The following ACACB variants were observed in gnomAD, a reference collection of about 807,000 sequenced individuals.
ACACB encodes acetyl-CoA carboxylase beta, also known as acetyl-CoA carboxylase 2.
A neutral mutation model predicts 278.8 loss-of-function variants in ACACB; 209 were observed. The ratio of observed to expected loss-of-function variants is 0.75; its 90% CI spans 0.67 to 0.84. ACACB has a LOEUF of 0.84. ACACB is among the 40% of genes least tolerant of loss of function. ACACB has a pLI of 0.00. For synonymous variants in ACACB, 1,174 were observed against 1,285.6 expected (o/e 0.91, Z 1.86); for missense variants, 2,850 against 3,269.0 (o/e 0.87, Z 3.13).
rs773903038 is a variant in ACACB at position 109,185,701 on chromosome 12, C to T, written c.1941C>T (p.His647=). 23 of 1,612,070 alleles carry T rather than the reference C, an allele frequency of 1.4e-5. No individual in the cohort carries two copies. The highest frequency in any genetic ancestry group is 1.9e-5 in the Non-Finnish European group (22 of 1,178,982). The change falls in exon 12 of 53, where the codon CAC becomes CAT. Residue 647 remains histidine (H), a synonymous_variant. Transcript: ENST00000338432. The part of the protein sequence containing the change: ...TPSNPPLARG[H]VIAARITSEN... ...CAAACCCTCCCCTCGCCCGAGGCCACGTCATTGCCGCCAGAATCACCAGCG... is the reference window on the plus strand; with the variant it reads ...CAAACCCTCCCCTCGCCCGAGGCCATGTCATTGCCGCCAGAATCACCAGCG...
upstream of ACACB, among the ~76,000 whole-genome samples, chr12:109,114,690 AT>A (rs778029429): frequency 3.5e-4 from 51 of 146,896 alleles, no homozygotes; most frequent in East Asian, 1.2e-3. Context: ...AAAAAAAAAA[AT>A]TTTTTTTTTT....
chr12:109,264,237 C>G lies in ACACB; in HGVS notation c.6793C>G (p.Pro2265Ala), dbSNP rs768199367. 3 of 1,614,140 alleles carry G rather than the reference C, an allele frequency of 1.9e-6. No homozygotes were observed. The highest frequency in any genetic ancestry group is 2.2e-5 in the South Asian group (2 of 91,080). The change falls in exon 50 of 53, where the codon CCT (proline) becomes GCT (alanine). Residue 2265 changes from proline (P) to alanine (A), a missense_variant. Around this residue, in one of 3 missense-constraint regions of ACACB, gnomAD observed 579 missense variants for 684.6 expected, o/e 0.85. Transcript: ENST00000338432. The part of the protein sequence containing the change: ...YKKLMEQLGE[P>A]DLSDKDRKDL... ...GCCTTTCTGCTCACCTGCAGGGGAACCTGATCTCTCCGACAAGGACCGAAA... is the reference window on the plus strand; with the variant it reads ...GCCTTTCTGCTCACCTGCAGGGGAAGCTGATCTCTCCGACAAGGACCGAAA...
intron 28 of ACACB, among the ~76,000 whole-genome samples, chr12:109,230,736 T>G (rs1332886030): frequency 6.6e-6 from 1 of 152,186 alleles, no homozygotes; most frequent in Non-Finnish European, 1.5e-5. Context: ...GGCCTTCTCT[T>G]TTGATCTTAT....
chr12:109,191,512 C>G, intron 13 of ACACB, 101 bp from the exon 14 acceptor site: 1 of 1,468,540 alleles, frequency 6.8e-7, no homozygotes, highest in Non-Finnish European at 9.3e-7. Context: ...CCACACCCGG[C>G]CACTCCTGTG....
chr12:109,232,518 C>T, intron 28 of ACACB, 151 bp from the exon 29 acceptor site: 1 of 957,290 alleles, frequency 1.0e-6, no homozygotes, highest in Non-Finnish European at 1.5e-6. Context: ...GCCCCGGCCC[C>T]AGCCATTGTC....
At chr12:109,180,945 G>A (rs12297136) in intron 11 of ACACB, among the ~76,000 whole-genome samples, 9,186 of 151,932 alleles carry the variant, frequency 0.06, 327 homozygotes, top group Non-Finnish European at 0.072. Context: ...ACATTTTTGC[G>A]CCCATTAATC....
chr12:109,245,772 C>T (rs1306960017), intron 38 of ACACB, 24 bp downstream of exon 38: 2 of 1,610,756 alleles, frequency 1.2e-6, no homozygotes, highest in Non-Finnish European at 1.7e-6. Context: ...GGAGCCTAAC[C>T]CCTGGCTGGA....
chr12:109,167,621 G>GTGTA (rs1555210640), intron 3 of ACACB, among the ~76,000 whole-genome samples: 78 of 77,522 alleles, frequency 1.0e-3, no homozygotes, highest in Non-Finnish European at 1.6e-3. Flanking sequence ...ATATGTATGT[G>GTGTA]TATATATATA....
At chr12:109,251,379 ACTCTT>A (rs1394340712) in intron 41 of ACACB, among the ~76,000 whole-genome samples, 2 of 151,996 alleles carry the variant, frequency 1.3e-5, no homozygotes, top group Non-Finnish European at 2.9e-5. Context: ...GAATAATAGT[ACTCTT>A]TAATGATAAA....
At chr12:109,158,365 GA>G (rs1555207978) in intron 2 of ACACB, among the ~76,000 whole-genome samples, 2 of 52,788 alleles carry the variant, frequency 3.8e-5, no homozygotes, top group Non-Finnish European at 8.7e-5. Flanking sequence ...GGATTCTTTT[GA>G]TTTTTTTTTT....
At position 109,246,592 on chromosome 12, in the gene ACACB, C is replaced by A; in HGVS notation, c.5571+144C>A. The A allele has an allele frequency of 3.1e-6, 3 of 976,922 alleles. No homozygotes were observed. In the South Asian group the frequency reaches 5.5e-5, roughly 18 times the overall value. The allele number at this position is 976,922 out of a possible 1,614,324, so 60.5% of individuals were successfully genotyped here. A position where few individuals can be genotyped will look rare whatever the true frequency, so the allele number is the denominator to read the frequency against. ...TACATGTAGTGTATAAACAGGCATA[C>A]AGTGTATCAGTGATACTAACATTTC... On this transcript the variant is annotated intron_variant, in intron 39 of 52. Coordinates refer to ENST00000338432, the MANE Select transcript of ACACB (RefSeq NM_001093.4).
chr12:109,165,677 A>G (rs2043873683), intron 2 of ACACB, among the ~76,000 whole-genome samples: 2 of 152,232 alleles, frequency 1.3e-5, no homozygotes, highest in Non-Finnish European at 2.9e-5. Flanking sequence ...TATGTGAATA[A>G]TGATCACAAA....
At chr12:109,187,312 A>C (rs1470690267) in intron 12 of ACACB, among the ~76,000 whole-genome samples, 1 of 151,970 alleles carries the variant, frequency 6.6e-6, no homozygotes, top group East Asian at 1.9e-4. Context: ...TTCTATTTAA[A>C]CTTTTTATTT....
At chr12:109,140,087 G>A in intron 2 of ACACB, 29 bp downstream of exon 2, 1 of 1,549,170 alleles carries the variant, frequency 6.5e-7, no homozygotes, top group Non-Finnish European at 8.7e-7. Flanking sequence ...TTGTAACTGA[G>A]GAGTGCAGAG....
chr12:109,133,055 T>A (rs1204205069), intron 1 of ACACB, among the ~76,000 whole-genome samples: 2 of 152,156 alleles, frequency 1.3e-5, no homozygotes, highest in African/African-American at 4.8e-5. Context: ...CTATCCGTAG[T>A]TAATCAGCCA....
At chr12:109,228,293 A>T (rs1272372811) in intron 28 of ACACB, among the ~76,000 whole-genome samples, 6 of 149,896 alleles carry the variant, frequency 4.0e-5, no homozygotes, top group African/African-American at 1.2e-4. Flanking sequence ...CTGAGATTGC[A>T]CCACTACACG....
At chr12:109,193,284 C>T (rs1399631676) in intron 15 of ACACB, among the ~76,000 whole-genome samples, 1 of 144,486 alleles carries the variant, frequency 6.9e-6, no homozygotes, top group African/African-American at 2.6e-5. Context: ...ATGGTGTGAT[C>T]TCAGCTCACT....
At chr12:109,145,234 C>T (rs533131954) in intron 2 of ACACB, among the ~76,000 whole-genome samples, 48 of 152,182 alleles carry the variant, frequency 3.2e-4, no homozygotes, top group African/African-American at 1.1e-3. Context: ...AGTGATCCGT[C>T]GTTTTGGTTT....
At chr12:109,261,193 A>G (rs1029925065) in intron 48 of ACACB, among the ~76,000 whole-genome samples, 1 of 152,232 alleles carries the variant, frequency 6.6e-6, no homozygotes, top group African/African-American at 2.4e-5. Flanking sequence ...TGAAAACTAC[A>G]TGCTACACAG....
Sources: gnomAD v4.1 joint callset for allele counts (sites outside exome capture counted in the v4.1 genomes callset) on GRCh38, gnomAD v4.1.1 for gene constraint, gnomAD v4.1.1 regional missense constraint, MANE v1.5 for transcripts, NCBI Gene and HGNC (gene_info 2026-07-23, HGNC 2026-07-21) for gene names.